KCNH1: variants seen among roughly 807,000 people sequenced by gnomAD.
The protein encoded by KCNH1 is potassium voltage-gated channel subfamily H member 1, also known as voltage-gated delayed rectifier potassium channel KCNH1.
In KCNH1, 27 loss-of-function variants were observed where a neutral mutation model predicts 69.2. That is an observed-to-expected ratio of 0.39 (90% CI 0.29 to 0.54). The LOEUF is 0.54. Ranked by LOEUF, KCNH1 falls within the 20% of genes least tolerant of loss-of-function variation. The pLI, the probability that KCNH1 is intolerant of heterozygous loss-of-function variation, is 0.68. For synonymous variants in KCNH1, 456 were observed against 487.7 expected (o/e 0.93, Z 0.86); for missense variants, 798 against 1,261.6 (o/e 0.63, Z 5.57).
chr1:210,876,047 T>C (rs769102730), intron 7 of KCNH1, among the ~76,000 whole-genome samples: 11 of 152,152 alleles, frequency 7.2e-5, no homozygotes, highest in South Asian at 4.1e-4. Context: ...TATTAAAATA[T>C]TAATTCTTCC....
chr1:210,854,922 C>A, intron 7 of KCNH1, among the ~76,000 whole-genome samples: 1 of 152,216 alleles, frequency 6.6e-6, no homozygotes, highest in East Asian at 1.9e-4. Context: ...AGCATCATGA[C>A]AACCCCTGGG....
rs145093958 is a variant in KCNH1, at chr1:211,042,498, T to C, written c.559-23242A>G. Reference sequence around the variant, plus strand: ...TTAGTACTAGACCTAAGAAATGAGATATACAGCAACACAATAATAGTGGGG... The same window carrying C: ...TTAGTACTAGACCTAAGAAATGAGACATACAGCAACACAATAATAGTGGGG... On this transcript the variant is annotated intron_variant, in intron 5 of 10. Coordinates refer to ENST00000271751, the MANE Select transcript of KCNH1 (RefSeq NM_172362.3). 7.7e-4 allele frequency among the ~76,000 whole-genome samples: 118 copies of C among 152,280 alleles called. 3 individuals are homozygous for C. In the East Asian group the frequency reaches 0.023, roughly 29 times the overall value.
At chr1:210,756,983 A>G (rs1392351001) in intron 10 of KCNH1, among the ~76,000 whole-genome samples, 1 of 152,204 alleles carries the variant, frequency 6.6e-6, no homozygotes, top group African/African-American at 2.4e-5. Flanking sequence ...CACTGTTCTC[A>G]TATCAGCCCA....
chr1:211,126,515 A>G (rs549294519), intron 1 of KCNH1, among the ~76,000 whole-genome samples: 1 of 151,622 alleles, frequency 6.6e-6, no homozygotes, highest in African/African-American at 2.4e-5. Flanking sequence ...GTCTCCAAAA[A>G]AAAAAAAAAA....
chr1:210,920,077 A>G lies in KCNH1; in HGVS notation c.1033-8T>C. 6.2e-7 allele frequency: 1 copy of G among 1,609,766 alleles called. No individual in the cohort carries two copies. The highest frequency in any genetic ancestry group is 8.5e-7 in the Non-Finnish European group (1 of 1,177,196). On this transcript the variant is annotated splice_region_variant and splice_polypyrimidine_tract_variant and intron_variant, in intron 6 of 10. Coordinates refer to ENST00000271751, the MANE Select transcript of KCNH1 (RefSeq NM_172362.3). ...GAACAGGCTGCTGATGCCCTGGGAG[A>G]AGAGGAACACAGCGTCAGGGCCAAA...
intron 6 of KCNH1, among the ~76,000 whole-genome samples, chr1:210,958,495 G>T (rs56379281): frequency 0.33 from 50,523 of 152,114 alleles, 8,825 homozygotes; most frequent in Non-Finnish European, 0.38. Context: ...ATAATATCCT[G>T]CAGAGTGTTT....
chr1:211,025,776 T>C (rs1175155556), intron 5 of KCNH1, among the ~76,000 whole-genome samples: 1 of 152,156 alleles, frequency 6.6e-6, no homozygotes, highest in East Asian at 1.9e-4. Flanking sequence ...ACCTCTGGCA[T>C]GTGTCTAGAC....
At chr1:211,062,158 T>C (rs766271345) in intron 5 of KCNH1, among the ~76,000 whole-genome samples, 3 of 151,904 alleles carry the variant, frequency 2.0e-5, no homozygotes, top group Admixed American at 2.0e-4. Flanking sequence ...CGGAAATAAA[T>C]CCATACTTCT....
At chr1:210,883,420 C>G (rs1440217269) in intron 7 of KCNH1, among the ~76,000 whole-genome samples, 3 of 152,200 alleles carry the variant, frequency 2.0e-5, no homozygotes, top group Non-Finnish European at 2.9e-5. Flanking sequence ...ATTCTTGGCA[C>G]TAGAACAATA....
chr1:210,862,339 A>T, intron 7 of KCNH1: 1 of 703,866 alleles, frequency 1.4e-6, no homozygotes, highest in Non-Finnish European at 2.6e-6. Flanking sequence ...CAGGAATAGC[A>T]CTACTCACTG....
chr1:210,979,073 A>G (rs1056662033), intron 6 of KCNH1, among the ~76,000 whole-genome samples: 4 of 152,042 alleles, frequency 2.6e-5, no homozygotes, highest in Non-Finnish European at 5.9e-5. Flanking sequence ...CATTCACCCT[A>G]TTTCTGAGAT....
chr1:210,877,000 C>G (rs561208193), intron 7 of KCNH1, among the ~76,000 whole-genome samples: 9 of 150,642 alleles, frequency 6.0e-5, no homozygotes, highest in South Asian at 2.1e-4. Context: ...TCAGAGATAA[C>G]GAGCTCACAG....
chr1:210,949,073 T>C (rs1183328329), intron 6 of KCNH1, among the ~76,000 whole-genome samples: 41 of 152,180 alleles, frequency 2.7e-4, no homozygotes, highest in Non-Finnish European at 2.9e-5. Flanking sequence ...ACTCCTGGGA[T>C]AGAGTGATAT....
At chr1:210,862,252 C>T (rs933791168) in intron 7 of KCNH1, 52 of 1,061,614 alleles carry the variant, frequency 4.9e-5, no homozygotes, top group Admixed American at 4.1e-4. Context: ...CATGGTGCCC[C>T]GCAGGGCCTC....
chr1:210,834,838 G>A (rs1355154408), intron 7 of KCNH1, among the ~76,000 whole-genome samples: 1 of 152,110 alleles, frequency 6.6e-6, no homozygotes. Context: ...CTATGAGCCA[G>A]GAAGTAGGCC....
chr1:210,721,764 G>A (rs138105056), intron 10 of KCNH1, among the ~76,000 whole-genome samples: 3,472 of 152,024 alleles, frequency 0.023, 115 homozygotes, highest in East Asian at 0.15. Flanking sequence ...TAACCTGCAC[G>A]TTGTGCACAT....
chr1:210,917,250 A>G (rs1687361218), intron 7 of KCNH1, among the ~76,000 whole-genome samples: 1 of 148,892 alleles, frequency 6.7e-6, no homozygotes, highest in African/African-American at 2.5e-5. Flanking sequence ...AAAGAAAGAA[A>G]GAAAGAAAGA....
chr1:210,795,962 A>AACACACACACACACACACACAC (rs369505764), intron 9 of KCNH1, among the ~76,000 whole-genome samples: 1 of 135,984 alleles, frequency 7.4e-6, no homozygotes, highest in African/African-American at 2.8e-5. Context: ...CTCTACTAAA[A>AACACACACACACACACACACAC]ACACACACAC....
chr1:210,890,666 A>G (rs1029993010), intron 7 of KCNH1, among the ~76,000 whole-genome samples: 3 of 152,120 alleles, frequency 2.0e-5, no homozygotes, highest in African/African-American at 7.2e-5. Context: ...GATAATACCC[A>G]GGATCTACAA....
Sources: allele counts gnomAD v4.1 joint callset (sites outside exome capture counted in the v4.1 genomes callset), GRCh38; gene constraint gnomAD v4.1.1; transcripts MANE v1.5; gene names NCBI Gene and HGNC (gene_info 2026-07-23, HGNC 2026-07-21).